Variants in ZBTB22 observed in about 807,000 individuals in gnomAD.
ZBTB22 encodes zinc finger and BTB domain containing 22.
For synonymous variants in ZBTB22, 356 were observed against 347.3 expected (o/e 1.03, Z -0.28); for missense variants, 668 against 834.1 (o/e 0.80, Z 2.45).
At position 33,315,648 on chromosome 6, in the gene ZBTB22, G is replaced by A. The variant is rs1422987434; in HGVS notation, c.1269C>T (p.Gly423=). 1 of 1,613,836 alleles carries A rather than the reference G, an allele frequency of 6.2e-7. No homozygotes were observed. The highest frequency in any genetic ancestry group is 1.3e-5 in the African/African-American group (1 of 74,822). ...PRPLLPLDMQ[G]NQILVFPSSS... Reference sequence around the variant, plus strand: ...ACGACGGGAAGACCAGGATCTGGTTGCCCTGCATGTCCAAGGGAAGGAGCG... The same window carrying A: ...ACGACGGGAAGACCAGGATCTGGTTACCCTGCATGTCCAAGGGAAGGAGCG... The change falls in exon 2 of 2, where the codon GGC becomes GGT. Residue 423 remains glycine, a synonymous_variant. Coordinates refer to ENST00000431845, the MANE Select transcript of ZBTB22 (RefSeq NM_005453.5). The surrounding 1 kb of genome is among the most constrained non-coding windows in gnomAD (Gnocchi z 5.4).
At position 33,316,166 on chromosome 6, in the gene ZBTB22, C is replaced by T; in HGVS notation, c.751G>A (p.Gly251Arg). The stretch of plus-strand genomic sequence containing the variant: ...AGCAGCAGCTTTCCAGATGTGGCCC[C>T]TCCACTGCCAACGACAGGGGCTGGG... Reference protein sequence around the residue: ...VFPAPVVGSGGATSGKLLLEA... With the variant: ...VFPAPVVGSGRATSGKLLLEA... Residue 251 changes from glycine (G) to arginine (R), a missense_variant, in exon 2 of 2, where the codon GGG (glycine) becomes AGG (arginine). Transcript: ENST00000431845. The surrounding 1 kb of genome is among the most constrained non-coding windows in gnomAD (Gnocchi z 7.2). The T allele has an allele frequency of 6.2e-7, 1 of 1,613,988 alleles. No individual in the cohort carries two copies. The highest frequency in any genetic ancestry group is 8.5e-7 in the Non-Finnish European group (1 of 1,180,010).
rs746849245 is a variant in ZBTB22 at position 33,315,071 on chromosome 6, A to G, written c.1846T>C (p.Ser616Pro). The change falls in exon 2 of 2, where the codon TCC becomes CCC. Residue 616 changes from serine (S) to proline (P), a missense_variant. Transcript: ENST00000431845. The surrounding 1 kb of genome is among the most constrained non-coding windows in gnomAD (Gnocchi z 5.4). Reference sequence around the variant, plus strand: ...TCCACCTTGTGGACTCTGGGTGGGGACCAGACACGTCTGCTGGACGGGGGC... The same window carrying G: ...TCCACCTTGTGGACTCTGGGTGGGGGCCAGACACGTCTGCTGGACGGGGGC... ...ATPPSSRRVW[S>P]PPRVHKVEMG... The G allele has an allele frequency of 2.5e-6, 4 of 1,600,096 alleles. No homozygotes were observed. The South Asian group carries it at 4.4e-5, about 18-fold the overall frequency.
rs747722547 is a variant in ZBTB22, at chr6:33,316,019, C to G, written c.898G>C (p.Val300Leu). Residue 300 changes from valine (V) to leucine (L), a missense_variant, in exon 2 of 2, where the codon GTG becomes CTG. Physicochemically the swap from Val to Leu is conservative, Grantham distance 32. Coordinates refer to ENST00000431845, the MANE Select transcript of ZBTB22 (RefSeq NM_005453.5). This position sits in a 1 kb window ranked among gnomAD's most constrained non-coding sequence, Gnocchi z 7.2. ...SIMPQKHWVY[V>L]KRGGNCPAPT... Reference sequence around the variant, plus strand: ...GCTGGGCAATTACCACCTCGCTTCACGTATACCCAGTGTTTCTGTGGCATG... The same window carrying G: ...GCTGGGCAATTACCACCTCGCTTCAGGTATACCCAGTGTTTCTGTGGCATG... 1.9e-6 allele frequency: 3 copies of G among 1,613,958 alleles called. No homozygotes were observed. The highest frequency in any genetic ancestry group is 2.7e-5 in the African/African-American group (2 of 74,908).
Position 33,315,796 on chromosome 6 carries a change from T to C in ZBTB22, c.1121A>G (p.Gln374Arg). Reference protein sequence around the residue: ...LSEPPDKGEEQVNFCESSNDF... With the variant: ...LSEPPDKGEERVNFCESSNDF... ...ATTGGAGGACTCACAGAAGTTGACC[T>C]GCTCCTCCCCCTTGTCTGGGGGCTC... Residue 374 changes from glutamine to arginine, a missense_variant, in exon 2 of 2, where the codon CAG (glutamine) becomes CGG (arginine). Physicochemically the swap from Gln to Arg is conservative, Grantham distance 43. Transcript: ENST00000431845. The surrounding 1 kb of genome is among the most constrained non-coding windows in gnomAD (Gnocchi z 5.4). 1 of 1,613,012 alleles carries C rather than the reference T, an allele frequency of 6.2e-7. No individual in the cohort carries two copies. Among genetic ancestry groups the C allele is most frequent in the African/African-American group, 1.3e-5 (1 of 74,966 alleles).
rs752635717 is a variant in ZBTB22 at position 33,315,602 on chromosome 6, G to A, written c.1315C>T (p.Gln439Ter). The A allele has an allele frequency of 1.9e-6, 3 of 1,614,024 alleles. No individual in the cohort carries two copies. The highest frequency in any genetic ancestry group is 2.5e-6 in the Non-Finnish European group (3 of 1,179,996). Reference protein sequence around the residue: ...FPSSSSSSSSQAPGQPPGNQA... With the variant: ...FPSSSSSSSS Reference sequence around the variant, plus strand: ...TTCCCTGGTGGTTGGCCAGGAGCCTGTGAGGATGAGGATGAAGACGACGAC... The same window carrying A: ...TTCCCTGGTGGTTGGCCAGGAGCCTATGAGGATGAGGATGAAGACGACGAC... The change falls in exon 2 of 2, where the codon CAG becomes TAG. Residue 439 changes from glutamine to a stop codon, truncating the protein, a stop_gained. Coordinates refer to ENST00000431845, the MANE Select transcript of ZBTB22 (RefSeq NM_005453.5). LOFTEE classifies it low-confidence loss of function (END_TRUNC). This position sits in a 1 kb window ranked among gnomAD's most constrained non-coding sequence, Gnocchi z 5.4.
chr6:33,315,267 G>C lies in ZBTB22; in HGVS notation c.1650C>G (p.Phe550Leu). Residue 550 changes from phenylalanine (F) to leucine (L), a missense_variant, in exon 2 of 2, where the codon TTC becomes TTG. Coordinates refer to ENST00000431845, the MANE Select transcript of ZBTB22 (RefSeq NM_005453.5). The surrounding 1 kb of genome is among the most constrained non-coding windows in gnomAD (Gnocchi z 5.4). ...PYECGVCAKKFMWRDSFMRHR... is the reference protein window; with the variant it reads ...PYECGVCAKKLMWRDSFMRHR... ...GGCGCATGAAGCTGTCTCGCCACATGAACTTCTTGGCGCAGACTCCGCACT... is the reference window on the plus strand; with the variant it reads ...GGCGCATGAAGCTGTCTCGCCACATCAACTTCTTGGCGCAGACTCCGCACT... The C allele has an allele frequency of 1.2e-6, 2 of 1,613,854 alleles. No individual in the cohort carries two copies. Among genetic ancestry groups the C allele is most frequent in the Non-Finnish European group, 1.7e-6 (2 of 1,179,978 alleles).
chr6:33,316,596 A>G lies in ZBTB22; in HGVS notation c.321T>C (p.Thr107=). The change falls in exon 2 of 2, where the codon ACT becomes ACC. Residue 107 remains threonine, a synonymous_variant. Transcript: ENST00000431845. The surrounding 1 kb of genome is among the most constrained non-coding windows in gnomAD (Gnocchi z 7.2). The part of the protein sequence containing the change: ...PSVMDPGAFE[T]VLASAYTGRL... ...GGCCAGTGTAAGCGGAGGCTAGGAC[A>G]GTCTCAAAGGCGCCTGGGTCCATGA... The G allele has an allele frequency of 6.2e-7, 1 of 1,614,242 alleles. No individual in the cohort carries two copies. Among genetic ancestry groups the G allele is most frequent in the Non-Finnish European group, 8.5e-7 (1 of 1,180,038 alleles).
chr6:33,316,608 G>C lies in ZBTB22; in HGVS notation c.309C>G (p.Gly103=). ...SISLPSVMDP[G]AFETVLASAY... is the part of the protein sequence containing the mutation. Reference sequence around the variant, plus strand: ...CGGAGGCTAGGACAGTCTCAAAGGCGCCTGGGTCCATGACACTGGGCAGCG... The same window carrying C: ...CGGAGGCTAGGACAGTCTCAAAGGCCCCTGGGTCCATGACACTGGGCAGCG... The change falls in exon 2 of 2, where the codon GGC becomes GGG. Residue 103 remains glycine (G), a synonymous_variant. Coordinates refer to ENST00000431845, the MANE Select transcript of ZBTB22 (RefSeq NM_005453.5). This position sits in a 1 kb window ranked among gnomAD's most constrained non-coding sequence, Gnocchi z 7.2. The C allele has an allele frequency of 3.1e-6, 5 of 1,614,224 alleles. No individual in the cohort carries two copies. Among genetic ancestry groups the C allele is most frequent in the Non-Finnish European group, 3.4e-6 (4 of 1,180,040 alleles).
In ZBTB22 at chr6:33,315,441, C is replaced by T; in HGVS notation, c.1476G>A (p.Lys492=). The change falls in exon 2 of 2, where the codon AAG becomes AAA. Residue 492 remains lysine, a synonymous_variant. Transcript: ENST00000431845. This position sits in a 1 kb window ranked among gnomAD's most constrained non-coding sequence, Gnocchi z 5.4. ...CCCGCATGCTCTTGTGGGAGAAGGC[C>T]TTCCCACAATGGCACAGAAAGATCT... The part of the protein sequence containing the change: ...GNKIFLCHCG[K]AFSHKSMRDR... 3 of 1,614,154 alleles carry T rather than the reference C, an allele frequency of 1.9e-6. No homozygotes were observed. Among genetic ancestry groups the T allele is most frequent in the Non-Finnish European group, 2.5e-6 (3 of 1,180,024 alleles).
Position 33,316,371 on chromosome 6 carries a change from G to A in ZBTB22, c.546C>T (p.Ala182=), listed in dbSNP as rs1312625523. Residue 182 remains alanine, a synonymous_variant, in exon 2 of 2, where the codon GCC becomes GCT. Transcript: ENST00000431845. The surrounding 1 kb of genome is among the most constrained non-coding windows in gnomAD (Gnocchi z 7.2). ...AGCGCGCAGAGCCCATGGTAGCAGG[G>A]GCCACAGTGCCCCCACTCCCGGATG... ...GVPSGSGGTV[A]PATMGSARSH... 2 of 1,614,012 alleles carry A rather than the reference G, an allele frequency of 1.2e-6. No homozygotes were observed. Among genetic ancestry groups the A allele is most frequent in the South Asian group, 1.1e-5 (1 of 91,084 alleles).
In ZBTB22 at chr6:33,316,020, G is replaced by A; in HGVS notation, c.897C>T (p.Tyr299=). Residue 299 remains tyrosine (Y), a synonymous_variant, in exon 2 of 2, where the codon TAC becomes TAT. Transcript: ENST00000431845. The surrounding 1 kb of genome is among the most constrained non-coding windows in gnomAD (Gnocchi z 7.2). ...CTGGGCAATTACCACCTCGCTTCAC[G>A]TATACCCAGTGTTTCTGTGGCATGA... ...PSIMPQKHWV[Y]VKRGGNCPAP... is the part of the protein sequence containing the mutation. 4.3e-6 allele frequency: 7 copies of A among 1,614,036 alleles called. No homozygotes were observed. The highest frequency in any genetic ancestry group is 1.1e-5 in the South Asian group (1 of 91,076).
At chr6:33,317,077 T>A in intron 1 of ZBTB22, 92 bp from the exon 2 acceptor site, 2 of 859,414 alleles carry the variant, frequency 2.3e-6, no homozygotes, top group Non-Finnish European at 3.5e-6. Flanking sequence ...ATTATCTGTG[T>A]AACTCCCCAC....
At position 33,315,052 on chromosome 6, in the gene ZBTB22, T is replaced by C. The variant is rs1263557575; in HGVS notation, c.1865A>G (p.Lys622Arg). 3.2e-6 allele frequency: 5 copies of C among 1,583,036 alleles called. No homozygotes were observed. Among genetic ancestry groups the C allele is most frequent in the Non-Finnish European group, 4.3e-6 (5 of 1,161,018 alleles). Residue 622 changes from lysine (K) to arginine (R), a missense_variant, in exon 2 of 2, where the codon AAG becomes AGG. Lys to Arg is a conservative substitution (Grantham distance 26, BLOSUM62 2). Coordinates refer to ENST00000431845, the MANE Select transcript of ZBTB22 (RefSeq NM_005453.5). This position sits in a 1 kb window ranked among gnomAD's most constrained non-coding sequence, Gnocchi z 5.4. ...ACCTCCACCGAAGCCCATCTCCACC[T>C]TGTGGACTCTGGGTGGGGACCAGAC... ...RRVWSPPRVH[K>R]VEMGFGGGGG...
chr6:33,316,983 T>C lies in ZBTB22; in HGVS notation c.-67A>G. The C allele has an allele frequency of 2.0e-6, 3 of 1,476,436 alleles. No individual in the cohort carries two copies. Among genetic ancestry groups the C allele is most frequent in the Non-Finnish European group, 2.7e-6 (3 of 1,114,404 alleles). The allele number at this position is 1,476,436 out of a possible 1,614,324, so 91.5% of individuals were successfully genotyped here. ...GAAAGGAGGAGGGCGGCCGGGGGGG[T>C]CTCTGGGAAGAAAAAGAGAAAAGAA... On this transcript the variant is annotated splice_region_variant and 5_prime_UTR_variant, in exon 2 of 2. Transcript: ENST00000431845. This position sits in a 1 kb window ranked among gnomAD's most constrained non-coding sequence, Gnocchi z 7.2.
rs1309401963 is a variant in ZBTB22 at position 33,317,025 on chromosome 6, T to C, written c.-69-40A>G. 1.9e-5 allele frequency: 25 copies of C among 1,335,404 alleles called. No homozygotes were observed. The South Asian group carries it at 3.1e-4, about 16-fold the overall frequency. 82.7% of individuals were successfully genotyped at this position (1,335,404 alleles called of 1,614,324 possible). A position where few individuals can be genotyped will look rare whatever the true frequency, so the allele number is the denominator to read the frequency against. ...AGAAAAGAATAATGATAACATCTCA[T>C]AACGACACAGCCCGTTACAACTCAA... On this transcript the variant is annotated intron_variant, in intron 1 of 1. Transcript: ENST00000431845.
At position 33,316,395 on chromosome 6, in the gene ZBTB22, T is replaced by A. The variant is rs371171876; in HGVS notation, c.522A>T (p.Pro174=). ...TSVTVPGAGV[P]SGSGGTVAPA... is the part of the protein sequence containing the mutation. Reference sequence around the variant, plus strand: ...GGGCCACAGTGCCCCCACTCCCGGATGGCACCCCAGCACCAGGGACAGTGA... The same window carrying A: ...GGGCCACAGTGCCCCCACTCCCGGAAGGCACCCCAGCACCAGGGACAGTGA... Residue 174 remains proline, a synonymous_variant, in exon 2 of 2, where the codon CCA becomes CCT. Transcript: ENST00000431845. The surrounding 1 kb of genome is among the most constrained non-coding windows in gnomAD (Gnocchi z 7.2). 1 of 1,614,030 alleles carries A rather than the reference T, an allele frequency of 6.2e-7. No individual in the cohort carries two copies. Among genetic ancestry groups the A allele is most frequent in the Non-Finnish European group, 8.5e-7 (1 of 1,180,032 alleles).
At position 33,316,214 on chromosome 6, in the gene ZBTB22, G is replaced by C; in HGVS notation, c.703C>G (p.Arg235Gly). Residue 235 changes from arginine (R) to glycine (G), a missense_variant, in exon 2 of 2, where the codon CGT becomes GGT. By Grantham distance (125) the Arg-to-Gly change is moderately radical. Coordinates refer to ENST00000431845, the MANE Select transcript of ZBTB22 (RefSeq NM_005453.5). This position sits in a 1 kb window ranked among gnomAD's most constrained non-coding sequence, Gnocchi z 7.2. ...FAASAVGSGE[R>G]RGGGPVFPAP... Reference sequence around the variant, plus strand: ...GGGAATACAGGGCCACCTCCTCGACGCTCCCCACTGCCCACTGCAGAAGCT... The same window carrying C: ...GGGAATACAGGGCCACCTCCTCGACCCTCCCCACTGCCCACTGCAGAAGCT... 6.2e-7 allele frequency: 1 copy of C among 1,614,046 alleles called. No homozygotes were observed. The highest frequency in any genetic ancestry group is 8.5e-7 in the Non-Finnish European group (1 of 1,180,024).
At position 33,314,795 on chromosome 6, in the gene ZBTB22, G is replaced by A; in HGVS notation, c.*217C>T. 1 of 888,012 alleles carries A rather than the reference G, an allele frequency of 1.1e-6. No homozygotes were observed. The highest frequency in any genetic ancestry group is 1.6e-6 in the Non-Finnish European group (1 of 626,692). The allele number at this position is 888,012 out of a possible 1,614,324, so 55.0% of individuals were successfully genotyped here. ...AGTGTACCCATCAGAGGGAAAGGAAGGGTTTAGTTCTGGAAATACCTTGGG... is the reference window on the plus strand; with the variant it reads ...AGTGTACCCATCAGAGGGAAAGGAAAGGTTTAGTTCTGGAAATACCTTGGG... On this transcript the variant is annotated 3_prime_UTR_variant, in exon 2 of 2. Coordinates refer to ENST00000431845, the MANE Select transcript of ZBTB22 (RefSeq NM_005453.5).
At position 33,315,967 on chromosome 6, in the gene ZBTB22, G is replaced by C. The variant is rs781660959; in HGVS notation, c.950C>G (p.Pro317Arg). The change falls in exon 2 of 2, where the codon CCA becomes CGA. Residue 317 changes from proline to arginine, a missense_variant. Pro to Arg is a moderately radical substitution (Grantham distance 103). Transcript: ENST00000431845. The surrounding 1 kb of genome is among the most constrained non-coding windows in gnomAD (Gnocchi z 5.4). Reference protein sequence around the residue: ...PAPTPLVPQDPDLEEEEEEED... With the variant: ...PAPTPLVPQDRDLEEEEEEED... ...CTCCTCCTCTTCCTCCTCCAGATCT[G>C]GGTCTTGGGGAACCAGGGGTGTTGG... The C allele has an allele frequency of 5.6e-6, 9 of 1,613,896 alleles. No individual in the cohort carries two copies. In the Admixed American group the frequency reaches 6.7e-5, roughly 12 times the overall value.
Sources: allele counts gnomAD v4.1 joint callset, GRCh38; gene constraint gnomAD v4.1.1; non-coding constraint Gnocchi (gnomAD v3.1); transcripts MANE v1.5; gene names NCBI Gene and HGNC (gene_info 2026-07-23, HGNC 2026-07-21).